The following TCF4 variants were observed in gnomAD, a reference collection of about 807,000 sequenced individuals.
TCF4 encodes the protein SL3-3 enhancer factor 2.
Under a neutral mutation model 82.1 loss-of-function variants are expected in TCF4, and 3 were observed. The observed-to-expected ratio is 0.04, with a 90% CI of 0.02 to 0.09. TCF4 has a LOEUF of 0.09. Ranked by LOEUF, TCF4 falls within the 10% of genes least tolerant of loss-of-function variation. The pLI is 1.00. For missense variants in TCF4, 518 were observed against 852.7 expected, an observed-to-expected ratio of 0.61 and a Z score of 4.89; for synonymous variants, 276 against 309.6, an observed-to-expected ratio of 0.89 and a Z score of 1.14.
intron 3 of TCF4, among the ~76,000 whole-genome samples, chr18:55,574,662 C>T (rs928616448): frequency 5.9e-5 from 9 of 152,286 alleles, no homozygotes; most frequent in Non-Finnish European, 1.2e-4. Context: ...TCAAAAGTAC[C>T]TTCTTTGAAT....
intron 2 of TCF4, among the ~76,000 whole-genome samples, chr18:55,602,121 G>C (rs34341606): frequency 0.14 from 21,760 of 152,148 alleles, 2,019 homozygotes; most frequent in Admixed American, 0.28. Flanking sequence ...TTACTATGTG[G>C]CAGGCACATT....
chr18:55,265,863 G>C (rs768156334), intron 11 of TCF4: 1 of 152,174 alleles, frequency 6.6e-6, no homozygotes, highest in African/African-American at 2.4e-5. Context: ...AATCAATCTT[G>C]GTAGTCTGTT....
chr18:55,258,516 G>A (rs2057374804), intron 13 of TCF4, among the ~76,000 whole-genome samples: 1 of 152,052 alleles, frequency 6.6e-6, no homozygotes, highest in Admixed American at 6.6e-5. Flanking sequence ...CCAGATTTTT[G>A]TCCAAGCTCT....
intron 5 of TCF4, among the ~76,000 whole-genome samples, chr18:55,444,329 C>T (rs2095490310): frequency 1.3e-5 from 2 of 152,122 alleles, no homozygotes; most frequent in African/African-American, 4.8e-5. Context: ...AGAGCAGATC[C>T]ACTATTGATC....
chr18:55,522,311 A>G (rs962807515), intron 3 of TCF4, among the ~76,000 whole-genome samples: 6 of 152,206 alleles, frequency 3.9e-5, no homozygotes, highest in African/African-American at 1.4e-4. Context: ...GCAGCGTCCT[A>G]AAGTTTAACA....
At chr18:55,611,317 A>G (rs527267652) in intron 2 of TCF4, among the ~76,000 whole-genome samples, 1 of 152,298 alleles carries the variant, frequency 6.6e-6, no homozygotes, top group South Asian at 2.1e-4. Context: ...TTGACTTACA[A>G]AACTGATCTC....
At chr18:55,538,020 G>GCGCA (rs1555736200) in intron 3 of TCF4, among the ~76,000 whole-genome samples, 1 of 99,134 alleles carries the variant, frequency 1.0e-5, no homozygotes, top group Non-Finnish European at 2.3e-5. Context: ...GCTAGTCTGC[G>GCGCA]CGCGCGCACA....
At chr18:55,287,205 T>C (rs1263393910) in intron 8 of TCF4, among the ~76,000 whole-genome samples, 1 of 152,172 alleles carries the variant, frequency 6.6e-6, no homozygotes, top group African/African-American at 2.4e-5. Flanking sequence ...ACCACAAAAA[T>C]CTATGAAAAA....
chr18:55,381,423 C>G (rs190699549), intron 6 of TCF4, among the ~76,000 whole-genome samples: 2 of 152,230 alleles, frequency 1.3e-5, no homozygotes, highest in Non-Finnish European at 2.9e-5. Flanking sequence ...AGCTTGCTAA[C>G]TAAGTACAGG....
At chr18:55,338,266 A>G (rs1489648478) in intron 8 of TCF4, among the ~76,000 whole-genome samples, 3 of 152,182 alleles carry the variant, frequency 2.0e-5, no homozygotes, top group Non-Finnish European at 4.4e-5. Context: ...AGAGAGTCAG[A>G]TGTCCTCAAA....
At chr18:55,270,703 T>C (rs1451942687) in intron 10 of TCF4, among the ~76,000 whole-genome samples, 2 of 152,124 alleles carry the variant, frequency 1.3e-5, no homozygotes, top group Non-Finnish European at 2.9e-5. Context: ...TTGAGTTTAA[T>C]TATTATATTA....
At chr18:55,386,989 C>T (rs1226208688) in intron 6 of TCF4, among the ~76,000 whole-genome samples, 1 of 152,116 alleles carries the variant, frequency 6.6e-6, no homozygotes, top group Non-Finnish European at 1.5e-5. Context: ...CATTTTTACA[C>T]TAGAACAGAA....
At chr18:55,609,809 AG>A (rs1445132255) in intron 2 of TCF4, among the ~76,000 whole-genome samples, 2 of 152,072 alleles carry the variant, frequency 1.3e-5, no homozygotes, top group Non-Finnish European at 2.9e-5. Context: ...AAATATCTGC[AG>A]GGCTCCTTTT....
At chr18:55,370,427 T>C (rs2088683055) in intron 6 of TCF4, among the ~76,000 whole-genome samples, 1 of 144,962 alleles carries the variant, frequency 6.9e-6, no homozygotes, top group Non-Finnish European at 1.5e-5. Flanking sequence ...GATAGACAGA[T>C]GATAGATAGA....
intron 3 of TCF4, among the ~76,000 whole-genome samples, chr18:55,537,359 G>A (rs1452811887): frequency 3.9e-5 from 6 of 152,120 alleles, no homozygotes; most frequent in Admixed American, 6.5e-5. Flanking sequence ...CCAGACCAAG[G>A]TGGGCAGATT....
At chr18:55,630,041 A>C (rs1412602956) in intron 2 of TCF4, among the ~76,000 whole-genome samples, 1 of 152,152 alleles carries the variant, frequency 6.6e-6, no homozygotes, top group Non-Finnish European at 1.5e-5. Flanking sequence ...TGTTTACCTC[A>C]TCTGTGTAAT....
chr18:55,438,423 G>C (rs1269284366), intron 5 of TCF4, among the ~76,000 whole-genome samples: 2 of 151,980 alleles, frequency 1.3e-5, no homozygotes, highest in Non-Finnish European at 2.9e-5. Flanking sequence ...CCAGAAGAGT[G>C]ATCTATTCCC....
chr18:55,421,497 A>C (rs2094755525), intron 5 of TCF4, among the ~76,000 whole-genome samples: 1 of 152,200 alleles, frequency 6.6e-6, no homozygotes, highest in Non-Finnish European at 1.5e-5. Flanking sequence ...TGGGCTAGCA[A>C]CTTTGGGAAT....
chr18:55,279,754 C>T (rs2062165273), intron 8 of TCF4, 98 bp from the exon 9 acceptor site: 1 of 1,558,030 alleles, frequency 6.4e-7, no homozygotes, highest in African/African-American at 1.4e-5. Context: ...TGCTACATTT[C>T]TACCCTTTCC....
Sources: gnomAD v4.1 joint callset for allele counts (sites outside exome capture counted in the v4.1 genomes callset) on GRCh38, gnomAD v4.1.1 for gene constraint, MANE v1.5 for transcripts, NCBI Gene and HGNC (gene_info 2026-07-23, HGNC 2026-07-21) for gene names.